ACSS1: variants seen among roughly 807,000 people sequenced by gnomAD.
ACSS1 encodes the protein acetyl-coenzyme A synthetase 2-like, mitochondrial.
In ACSS1, 42 loss-of-function variants were observed where a neutral mutation model predicts 75.3. The ratio of observed to expected loss-of-function variants is 0.56; its 90% CI spans 0.44 to 0.72. ACSS1 has a LOEUF of 0.72. ACSS1 is among the 30% of genes least tolerant of loss of function. The pLI, the probability that ACSS1 is intolerant of heterozygous loss-of-function variation, is 0.00. For synonymous variants in ACSS1, 380 were observed against 376.8 expected (o/e 1.01, Z -0.10); for missense variants, 782 against 935.7 (o/e 0.84, Z 2.14).
rs138141036 is a variant in ACSS1, at chr20:25,020,043, A to G, written c.1213T>C (p.Tyr405His). Reference protein sequence around the residue: ...LKYGDAWVKKYDRSSLRTLGS... With the variant: ...LKYGDAWVKKHDRSSLRTLGS... ...AGGGTCCGCAGGGAGGAGCGATCAT[A>G]CTTCTTCACCCAGGCATCACCGTAT... Residue 405 changes from tyrosine to histidine, a missense_variant, in exon 7 of 14, where the codon TAT becomes CAT. Tyr to His is a moderately conservative substitution (Grantham distance 83). Transcript: ENST00000323482. 4.3e-6 allele frequency: 7 copies of G among 1,614,100 alleles called. No individual in the cohort carries two copies. The African/African-American group carries it at 9.3e-5, about 22-fold the overall frequency.
chr20:25,048,013 G>T, intron 2 of ACSS1, 72 bp downstream of exon 2: 1 of 1,411,742 alleles, frequency 7.1e-7, no homozygotes. Flanking sequence ...GCCCCTCCCT[G>T]ACAGCCAGAC....
At chr20:25,023,355 A>T in intron 4 of ACSS1, 111 bp downstream of exon 4, 1 of 1,305,500 alleles carries the variant, frequency 7.7e-7, no homozygotes, top group Non-Finnish European at 1.1e-6. Flanking sequence ...ACCACAGAGG[A>T]ACCCTGGGCA....
At chr20:25,033,729 G>T (rs2088866093) in intron 2 of ACSS1, among the ~76,000 whole-genome samples, 1 of 152,236 alleles carries the variant, frequency 6.6e-6, no homozygotes, top group African/African-American at 2.4e-5. Context: ...GTGAAGGTGT[G>T]CAGGGCACTG....
intron 2 of ACSS1, among the ~76,000 whole-genome samples, chr20:25,036,983 GAAA>G (rs1292355212): frequency 9.4e-6 from 1 of 105,918 alleles, no homozygotes; most frequent in East Asian, 2.3e-4. Context: ...AAGAAAGAAA[GAAA>G]AAGAAAGAAA....
At chr20:25,036,973 A>G in intron 2 of ACSS1, among the ~76,000 whole-genome samples, 1 of 131,574 alleles carries the variant, frequency 7.6e-6, no homozygotes, top group Non-Finnish European at 1.6e-5. Flanking sequence ...AAAGAAGAAG[A>G]AGAAAGAAAG....
chr20:25,013,659 T>G lies in ACSS1; in HGVS notation c.1456A>C (p.Ser486Arg). Residue 486 changes from serine to arginine, a missense_variant, in exon 10 of 14, where the codon AGC (serine) becomes CGC (arginine). By Grantham distance (110) the Ser-to-Arg change is moderately radical. Coordinates refer to ENST00000323482, the MANE Select transcript of ACSS1 (RefSeq NM_032501.4). ...GAGACGTTGCTGCCCTCCACGACGC[T>G]GCCCTGTAGACCCCGGACATGCAAG... ...IVPVLMDEKG[S>R]VVEGSNVSGA... 6.3e-7 allele frequency: 1 copy of G among 1,598,562 alleles called. No homozygotes were observed.
intron 2 of ACSS1, among the ~76,000 whole-genome samples, chr20:25,041,188 G>A (rs1279484123): frequency 2.0e-5 from 3 of 151,866 alleles, no homozygotes; most frequent in Admixed American, 2.0e-4. Context: ...AACCCAGGAG[G>A]CGGAGCTTTC....
intron 11 of ACSS1, 72 bp from the exon 12 acceptor site, chr20:25,012,736 T>C: frequency 1.2e-6 from 2 of 1,613,146 alleles, no homozygotes; most frequent in South Asian, 1.1e-5. Context: ...GGCCAGGGAC[T>C]CCCACCCCAA....
intron 2 of ACSS1, among the ~76,000 whole-genome samples, chr20:25,034,671 C>G (rs1600333586): frequency 1.3e-5 from 2 of 152,048 alleles, no homozygotes; most frequent in South Asian, 4.2e-4. Flanking sequence ...CAGGTTCAAA[C>G]AATTCTCCCA....
At chr20:25,012,766 A>G (rs1334572876) in intron 11 of ACSS1, 46 bp downstream of exon 11, 1 of 1,613,282 alleles carries the variant, frequency 6.2e-7, no homozygotes, top group Admixed American at 1.7e-5. Context: ...CCACAGGGGC[A>G]TCATGGAGGT....
At chr20:25,019,461 C>T (rs1019061949) in intron 7 of ACSS1, among the ~76,000 whole-genome samples, 2 of 152,230 alleles carry the variant, frequency 1.3e-5, no homozygotes, top group Non-Finnish European at 2.9e-5. Flanking sequence ...ACTCCACAGA[C>T]TTGGAGACAA....
Position 25,023,540 on chromosome 20 carries a change from C to A in ACSS1, c.733G>T (p.Val245Leu), listed in dbSNP as rs140483868. 3 of 1,614,160 alleles carry A rather than the reference C, an allele frequency of 1.9e-6. No homozygotes were observed. Among genetic ancestry groups the A allele is most frequent in the Non-Finnish European group, 2.5e-6 (3 of 1,180,030 alleles). Residue 245 changes from valine to leucine, a missense_variant, in exon 4 of 14, where the codon GTG becomes TTG. Physicochemically the swap from Val to Leu is conservative, Grantham distance 32. This residue lies in a region of ACSS1 where 377 missense variants were observed against 383.1 expected (regional missense o/e 0.98). Coordinates refer to ENST00000323482, the MANE Select transcript of ACSS1 (RefSeq NM_032501.4). ...VDEAVKHCPT[V>L]QHVLVAHRTD... ...CTGTGAGCCACCAGGACATGCTGCA[C>A]GGTGGGGCAGTGCTTCACAGCCTCA...
chr20:25,028,930 AAAAAG>A (rs2088775669), intron 3 of ACSS1, among the ~76,000 whole-genome samples: 1 of 152,212 alleles, frequency 6.6e-6, no homozygotes, highest in African/African-American at 2.4e-5. Context: ...AAAAGAAAAA[AAAAAG>A]AAAACATAGG....
In ACSS1 at chr20:25,030,941, G is replaced by A. The variant is rs2088813604; in HGVS notation, c.449C>T (p.Thr150Met). Residue 150 changes from threonine (T) to methionine (M), a missense_variant, in exon 3 of 14, where the codon ACG becomes ATG. By Grantham distance (81) the Thr-to-Met change is moderately conservative. This residue lies in a region of ACSS1 where 377 missense variants were observed against 383.1 expected (regional missense o/e 0.98). Transcript: ENST00000323482. Reference protein sequence around the residue: ...RITYRELLETTCRLANTLKRH... With the variant: ...RITYRELLETMCRLANTLKRH... Reference sequence around the variant, plus strand: ...CTTCAGCGTGTTGGCCAGGCGGCACGTGGTCTCCAGTAGTTCCCTGCAGCA... The same window carrying A: ...CTTCAGCGTGTTGGCCAGGCGGCACATGGTCTCCAGTAGTTCCCTGCAGCA... 3 of 1,614,112 alleles carry A rather than the reference G, an allele frequency of 1.9e-6. No individual in the cohort carries two copies. The highest frequency in any genetic ancestry group is 1.3e-5 in the African/African-American group (1 of 75,056).
chr20:25,022,878 TCCAGCCCTGCC>T (rs2088647408), intron 5 of ACSS1, 51 bp downstream of exon 5: 15 of 1,518,000 alleles, frequency 9.9e-6, no homozygotes, highest in Non-Finnish European at 1.3e-5. Flanking sequence ...CAGGAGGACT[TCCAGCCCTGCC>T]CCTGCCTGGA....
intron 2 of ACSS1, among the ~76,000 whole-genome samples, chr20:25,033,586 A>G (rs1463360498): frequency 6.6e-6 from 1 of 152,254 alleles, no homozygotes; most frequent in Non-Finnish European, 1.5e-5. Context: ...AACTCACTTC[A>G]GTGAATTCCT....
chr20:25,025,665 C>T (rs1003770898), intron 3 of ACSS1, among the ~76,000 whole-genome samples: 4 of 152,174 alleles, frequency 2.6e-5, no homozygotes, highest in South Asian at 2.1e-4. Flanking sequence ...CTCAGTTCCA[C>T]GCGACTGAGG....
At chr20:25,020,505 G>A (rs2088603707) in intron 6 of ACSS1, among the ~76,000 whole-genome samples, 1 of 152,246 alleles carries the variant, frequency 6.6e-6, no homozygotes, top group Admixed American at 6.5e-5. Flanking sequence ...GGGCTCTAAA[G>A]TGGTGACTGG....
chr20:25,009,622 G>A (rs2087806262), intron 12 of ACSS1: 2 of 524,914 alleles, frequency 3.8e-6, no homozygotes, highest in East Asian at 3.4e-5. Flanking sequence ...CACATGTGTG[G>A]CTGAGAGCTT....
Sources: gnomAD v4.1 joint callset for allele counts (sites outside exome capture counted in the v4.1 genomes callset) on GRCh38, gnomAD v4.1.1 for gene constraint, gnomAD v4.1.1 regional missense constraint, MANE v1.5 for transcripts, NCBI Gene and HGNC (gene_info 2026-07-23, HGNC 2026-07-21) for gene names.